DOK5: variants seen among roughly 807,000 people sequenced by gnomAD.
The protein encoded by DOK5 is downstream of tyrosine kinase 5.
A neutral mutation model predicts 43.3 loss-of-function variants in DOK5; 27 were observed. The ratio of observed to expected loss-of-function variants is 0.62; its 90% CI spans 0.46 to 0.86. DOK5 has a LOEUF of 0.86. DOK5 is among the 40% of genes least tolerant of loss of function. DOK5 has a pLI of 0.00. For missense variants in DOK5, 373 were observed against 392.9 expected (o/e 0.95, Z 0.43); for synonymous variants, 146 against 140.1 (o/e 1.04, Z -0.30).
chr20:54,650,449 G>C lies in DOK5; in HGVS notation c.891G>C (p.Glu297Asp), dbSNP rs1352587545. The change falls in exon 8 of 8, where the codon GAG becomes GAC. Residue 297 changes from glutamate (E) to aspartate (D), a missense_variant. Glu to Asp is a conservative substitution (Grantham distance 45). Coordinates refer to ENST00000262593, the MANE Select transcript of DOK5 (RefSeq NM_018431.5). ...GCCCTCTGAAGCTTCATCGAACAGA[G>C]ACTTTTCCAGCCTACAGATCTGAGC... is the stretch of plus-strand genomic sequence containing the variant. ...VSSPLKLHRT[E>D]TFPAYRSEH 1 of 1,614,018 alleles carries C rather than the reference G, an allele frequency of 6.2e-7. No homozygotes were observed. The highest frequency in any genetic ancestry group is 1.7e-5 in the Admixed American group (1 of 60,020).
At chr20:54,490,339 T>C (rs1332806430) in intron 1 of DOK5, among the ~76,000 whole-genome samples, 1 of 152,186 alleles carries the variant, frequency 6.6e-6, no homozygotes, top group Non-Finnish European at 1.5e-5. Flanking sequence ...GATACATATA[T>C]ACATATACAT....
chr20:54,630,067 A>G (rs1005152554), intron 6 of DOK5, among the ~76,000 whole-genome samples: 2 of 152,184 alleles, frequency 1.3e-5, no homozygotes, highest in African/African-American at 2.4e-5. Flanking sequence ...GTGATATGCT[A>G]AGTTTGCTTT....
At chr20:54,557,978 A>G (rs1186105512) in intron 2 of DOK5, among the ~76,000 whole-genome samples, 2 of 152,218 alleles carry the variant, frequency 1.3e-5, no homozygotes, top group Non-Finnish European at 2.9e-5. Flanking sequence ...ATTAGTTACC[A>G]GAATCTAACA....
At chr20:54,637,451 G>C (rs1369664312) in intron 6 of DOK5, among the ~76,000 whole-genome samples, 1 of 152,204 alleles carries the variant, frequency 6.6e-6, no homozygotes, top group Admixed American at 6.5e-5. Flanking sequence ...ATTAATAAAT[G>C]TTCAGTGCTA....
intron 6 of DOK5, among the ~76,000 whole-genome samples, chr20:54,621,733 C>G (rs1003775782): frequency 2.0e-5 from 3 of 151,762 alleles, no homozygotes; most frequent in African/African-American, 7.3e-5. Context: ...CCTTAACATA[C>G]TGTATCAAAG....
intron 1 of DOK5, among the ~76,000 whole-genome samples, chr20:54,508,902 A>G (rs1387853235): frequency 6.9e-6 from 1 of 144,476 alleles, no homozygotes; most frequent in African/African-American, 2.6e-5. Context: ...TTTTAGACAG[A>G]GTCTCGCTGT....
chr20:54,604,356 C>T (rs1889919578), intron 5 of DOK5, among the ~76,000 whole-genome samples: 1 of 150,788 alleles, frequency 6.6e-6, no homozygotes, highest in African/African-American at 2.4e-5. Context: ...TGCTTCGGAT[C>T]TGTTTCTCTC....
At chr20:54,507,698 T>G (rs908280014) in intron 1 of DOK5, among the ~76,000 whole-genome samples, 1 of 152,094 alleles carries the variant, frequency 6.6e-6, no homozygotes, top group African/African-American at 2.4e-5. Context: ...CCATGAGAAA[T>G]TTGAAGGAAG....
intron 1 of DOK5, among the ~76,000 whole-genome samples, chr20:54,498,402 C>T (rs961021078): frequency 1.3e-5 from 2 of 152,044 alleles, no homozygotes; most frequent in Non-Finnish European, 2.9e-5. Context: ...ACTATGTTTA[C>T]CAAGGGAACA....
At chr20:54,625,606 C>T (rs1987109496) in intron 6 of DOK5, among the ~76,000 whole-genome samples, 1 of 152,150 alleles carries the variant, frequency 6.6e-6, no homozygotes, top group Non-Finnish European at 1.5e-5. Context: ...GCTCAGGGTC[C>T]TCGGGCTACT....
At chr20:54,605,588 C>A (rs543471266) in intron 5 of DOK5, among the ~76,000 whole-genome samples, 5 of 152,220 alleles carry the variant, frequency 3.3e-5, no homozygotes, top group Admixed American at 2.0e-4. Context: ...TTCCTGCCTT[C>A]TTTCTCAAAC....
At chr20:54,601,977 C>A (rs1305847312) in intron 5 of DOK5, among the ~76,000 whole-genome samples, 1 of 152,188 alleles carries the variant, frequency 6.6e-6, no homozygotes, top group Non-Finnish European at 1.5e-5. Context: ...CTCCACATCA[C>A]TCTTTCTCCC....
At chr20:54,628,418 A>T (rs1161687337) in intron 6 of DOK5, among the ~76,000 whole-genome samples, 1 of 128,382 alleles carries the variant, frequency 7.8e-6, no homozygotes, top group Admixed American at 7.5e-5. Flanking sequence ...CAAAAAAAAA[A>T]AAAAAAAAAA....
intron 7 of DOK5, among the ~76,000 whole-genome samples, chr20:54,650,153 G>T (rs1424997151): frequency 6.6e-6 from 1 of 152,144 alleles, no homozygotes; most frequent in East Asian, 1.9e-4. Context: ...CCCTGGATAT[G>T]GGGATTGATG....
rs544632185 is a variant in DOK5, at chr20:54,529,827, G to A, written c.67-25106G>A. On this transcript the variant is annotated intron_variant, in intron 1 of 7. Transcript: ENST00000262593. Reference sequence around the variant, plus strand: ...TATAAGTGAAATCCTACAATACATGGTCTTTTGTGTCTGGCTTCTTTCACT... The same window carrying A: ...TATAAGTGAAATCCTACAATACATGATCTTTTGTGTCTGGCTTCTTTCACT... 2.0e-5 allele frequency among the ~76,000 whole-genome samples: 3 copies of A among 152,238 alleles called. No homozygotes were observed. In the East Asian group the frequency reaches 5.8e-4, roughly 29 times the overall value.
At chr20:54,573,586 C>T (rs1485675969) in intron 2 of DOK5, among the ~76,000 whole-genome samples, 1 of 146,630 alleles carries the variant, frequency 6.8e-6, no homozygotes, top group Non-Finnish European at 1.5e-5. Context: ...ACTTGGGAGG[C>T]TGAGGCAGGA....
chr20:54,479,202 T>C (rs945772447), intron 1 of DOK5, among the ~76,000 whole-genome samples: 2 of 152,206 alleles, frequency 1.3e-5, no homozygotes, highest in African/African-American at 4.8e-5. Flanking sequence ...CAAATATGTA[T>C]AGATTTATTC....
intron 1 of DOK5, among the ~76,000 whole-genome samples, chr20:54,484,440 A>C (rs1981846454): frequency 6.6e-6 from 1 of 152,152 alleles, no homozygotes; most frequent in Non-Finnish European, 1.5e-5. Flanking sequence ...TTTTTAGATA[A>C]TTGTTATGTT....
chr20:54,561,918 A>G (rs926170956), intron 2 of DOK5, among the ~76,000 whole-genome samples: 3 of 152,100 alleles, frequency 2.0e-5, no homozygotes, highest in African/African-American at 7.2e-5. Flanking sequence ...CGGCCTTCCA[A>G]AGTGCTGGGA....
Sources: gnomAD v4.1 joint callset for allele counts (sites outside exome capture counted in the v4.1 genomes callset) on GRCh38, gnomAD v4.1.1 for gene constraint, MANE v1.5 for transcripts, NCBI Gene and HGNC (gene_info 2026-07-23, HGNC 2026-07-21) for gene names.